MPP4: variants seen among roughly 807,000 people sequenced by gnomAD.
The protein encoded by MPP4 is MAGUK p55 scaffold protein 4, also known as MAGUK p55 subfamily member 4.
A neutral mutation model predicts 98.3 loss-of-function variants in MPP4; 91 were observed. That is an observed-to-expected ratio of 0.93 (90% confidence interval 0.78 to 1.10). The LOEUF (loss-of-function observed/expected upper bound fraction) is 1.10, where lower values mean the gene tolerates loss of function less well. Ranked by LOEUF, MPP4 falls within the 50% of genes least tolerant of loss-of-function variation. The pLI is 0.00. For synonymous variants in MPP4, 261 were observed against 271.8 expected (o/e 0.96, Z 0.39); for missense variants, 744 against 792.9 (o/e 0.94, Z 0.74).
chr2:201,684,339 TAGA>T (rs939695212), intron 7 of MPP4, among the ~76,000 whole-genome samples: 1 of 152,226 alleles, frequency 6.6e-6, no homozygotes, highest in South Asian at 2.1e-4. Context: ...TTTCTGAAAG[TAGA>T]AGGACAAAGT....
In MPP4 at chr2:201,672,893, C is replaced by A. The variant is rs189530417; in HGVS notation, c.994+2314G>T. Reference sequence around the variant, plus strand: ...GAGGCCAGCATCATCCTGATACCATCAACCTGGCAGAGACACACACACAAA... The same window carrying A: ...GAGGCCAGCATCATCCTGATACCATAAACCTGGCAGAGACACACACACAAA... On this transcript the variant is annotated intron_variant, in intron 11 of 21. Coordinates refer to ENST00000409474, the MANE Select transcript of MPP4 (RefSeq NM_033066.3). Among the ~76,000 whole-genome samples, 13 of 152,226 alleles carry A rather than the reference C, an allele frequency of 8.5e-5. No individual in the cohort carries two copies. In the East Asian group the frequency reaches 2.5e-3, roughly 29 times the overall value.
intron 10 of MPP4, among the ~76,000 whole-genome samples, chr2:201,678,113 C>A (rs1914267): frequency 6.6e-6 from 1 of 151,842 alleles, no homozygotes; most frequent in African/African-American, 2.4e-5. Flanking sequence ...TAGGTTTTCA[C>A]GTGGCAATGA....
At chr2:201,653,732 G>GT (rs756871656) in intron 18 of MPP4, among the ~76,000 whole-genome samples, 4 of 151,504 alleles carry the variant, frequency 2.6e-5, no homozygotes, top group Admixed American at 6.6e-5. Context: ...GATTTTAAAG[G>GT]TTTTTTTTGA....
intron 18 of MPP4, chr2:201,650,647 T>G (rs1181518041): frequency 1.0e-6 from 1 of 985,238 alleles, no homozygotes; most frequent in Admixed American, 6.2e-5. Context: ...TTCATAAGAC[T>G]GATGAAAAGC....
intron 1 of MPP4, among the ~76,000 whole-genome samples, chr2:201,697,744 T>A (rs556516462): frequency 2.6e-5 from 4 of 152,266 alleles, no homozygotes; most frequent in Middle Eastern, 6.8e-3. Flanking sequence ...CTATCAAACT[T>A]TAAAACTGGG....
intron 11 of MPP4, among the ~76,000 whole-genome samples, chr2:201,672,292 C>A (rs1392313917): frequency 6.6e-6 from 1 of 152,086 alleles, no homozygotes; most frequent in African/African-American, 2.4e-5. Flanking sequence ...CAGGAGAAAG[C>A]AAGAAAGATC....
chr2:201,698,008 T>A (rs1689242262), intron 1 of MPP4: 4 of 985,456 alleles, frequency 4.1e-6, no homozygotes, highest in Non-Finnish European at 4.8e-6. Flanking sequence ...GTGAGAATTC[T>A]TGATTGAGAC....
intron 1 of MPP4, among the ~76,000 whole-genome samples, chr2:201,697,342 G>C (rs1466952293): frequency 1.3e-5 from 2 of 152,168 alleles, no homozygotes; most frequent in Non-Finnish European, 2.9e-5. Flanking sequence ...CCTCCCTCCA[G>C]GTAGCTAAGA....
At position 201,675,202 on chromosome 2, in the gene MPP4, C is replaced by G. The variant is rs1426827408; in HGVS notation, c.994+5G>C. The G allele has an allele frequency of 6.2e-7, 1 of 1,605,758 alleles. No homozygotes were observed. The highest frequency in any genetic ancestry group is 8.5e-7 in the Non-Finnish European group (1 of 1,176,218). Reference sequence around the variant, plus strand: ...AAGAACCTGTCGGGCAGTTGCAATACTCACATAGGGTTGACTTGAGGCAGG... The same window carrying G: ...AAGAACCTGTCGGGCAGTTGCAATAGTCACATAGGGTTGACTTGAGGCAGG... On this transcript the variant is annotated splice_donor_5th_base_variant and intron_variant, in intron 11 of 21. Coordinates refer to ENST00000409474, the MANE Select transcript of MPP4 (RefSeq NM_033066.3).
intron 1 of MPP4, among the ~76,000 whole-genome samples, chr2:201,695,400 T>A (rs1488192436): frequency 6.6e-6 from 1 of 152,240 alleles, no homozygotes; most frequent in Admixed American, 6.5e-5. Flanking sequence ...CACTGAACTA[T>A]CATGTCACTG....
In MPP4 at chr2:201,688,169, T is replaced by C. The variant is rs943453300; in HGVS notation, c.280-798A>G. Among the ~76,000 whole-genome samples the C allele has an allele frequency of 4.6e-5, 7 of 152,352 alleles. No homozygotes were observed. In the South Asian group the frequency reaches 1.5e-3, roughly 32 times the overall value. ...CTTTCTTTTTTGCTGTTTCTTTTAA[T>C]ATGGGATGGGCAATAAATAATAAAA... is the stretch of plus-strand genomic sequence containing the variant. On this transcript the variant is annotated intron_variant, in intron 4 of 21. Transcript: ENST00000409474.
intron 3 of MPP4, 74 bp downstream of exon 3, chr2:201,692,834 T>C (rs1050362334): frequency 6.4e-7 from 1 of 1,558,280 alleles, no homozygotes; most frequent in Non-Finnish European, 8.7e-7. Context: ...CTGAATGGAC[T>C]GAAGCTGTCA....
In MPP4 at chr2:201,654,497, C is replaced by T. The variant is rs565869704; in HGVS notation, c.1381+340G>A. On this transcript the variant is annotated intron_variant, in intron 18 of 21. Transcript: ENST00000409474. ...GGGTAGGGGGAGTGGGGAGGGATAG[C>T]ATTAGGAGATATACCTAATGCTAAA... 2.8e-3 allele frequency among the ~76,000 whole-genome samples: 429 copies of T among 152,146 alleles called. 4 individuals are homozygous for T. The highest frequency in any genetic ancestry group is 4.2e-3 in the Non-Finnish European group (289 of 68,008).
intron 1 of MPP4, among the ~76,000 whole-genome samples, chr2:201,694,641 G>T: frequency 1.8e-5 from 2 of 110,988 alleles, no homozygotes; most frequent in Admixed American, 1.1e-4. Flanking sequence ...TTTGAGACAG[G>T]GTCTCACTCT....
intron 1 of MPP4, 43 bp downstream of exon 1, chr2:201,698,544 T>C (rs1239317711): frequency 7.7e-7 from 1 of 1,296,748 alleles, no homozygotes; most frequent in South Asian, 1.3e-5. Flanking sequence ...CAGTTATGGA[T>C]ACATCTTCTG....
At chr2:201,681,823 C>A (rs1006482808) in intron 8 of MPP4, among the ~76,000 whole-genome samples, 3 of 150,838 alleles carry the variant, frequency 2.0e-5, no homozygotes, top group South Asian at 2.1e-4. Flanking sequence ...TCCAGGGACC[C>A]CCCCCCACCC....
At chr2:201,666,019 G>A (rs1198961946) in intron 13 of MPP4, 1 of 211,810 alleles carries the variant, frequency 4.7e-6, no homozygotes, top group African/African-American at 2.3e-5. Flanking sequence ...ATATTTTATG[G>A]TATTTCACAA....
intron 10 of MPP4, among the ~76,000 whole-genome samples, chr2:201,677,983 A>G (rs1308901633): frequency 6.6e-6 from 1 of 152,156 alleles, no homozygotes; most frequent in African/African-American, 2.4e-5. Context: ...GGTTTTCTGA[A>G]TGAGATTCAG....
intron 3 of MPP4, among the ~76,000 whole-genome samples, chr2:201,691,771 G>A (rs1287764593): frequency 1.3e-5 from 2 of 152,186 alleles, no homozygotes; most frequent in African/African-American, 2.4e-5. Flanking sequence ...CACCAGCCTC[G>A]GCCTCCCAAA....
Sources: gnomAD v4.1 joint callset for allele counts (sites outside exome capture counted in the v4.1 genomes callset) on GRCh38, gnomAD v4.1.1 for gene constraint, MANE v1.5 for transcripts, NCBI Gene and HGNC (gene_info 2026-07-23, HGNC 2026-07-21) for gene names.